CRLF3: variants seen among roughly 807,000 people sequenced by gnomAD.
CRLF3 encodes the protein cytokine receptor like factor 3.
A neutral mutation model predicts 55.0 loss-of-function variants in CRLF3; 33 were observed. The ratio of observed to expected loss-of-function variants is 0.60; its 90% CI spans 0.46 to 0.80. The LOEUF (loss-of-function observed/expected upper bound fraction) is 0.80. CRLF3 is among the 30% of genes least tolerant of loss of function. The pLI is 0.00. For missense variants in CRLF3, 494 were observed against 538.4 expected (o/e 0.92, Z 0.82); for synonymous variants, 238 against 196.8 (o/e 1.21, Z -1.75).
intron 1 of CRLF3, among the ~76,000 whole-genome samples, chr17:30,812,331 A>C (rs1448757647): frequency 6.6e-6 from 1 of 152,106 alleles, no homozygotes; most frequent in Non-Finnish European, 1.5e-5. Flanking sequence ...ATGCCAGGTA[A>C]ATCTGTACCT....
At chr17:30,802,454 A>T (rs1597924281) in intron 2 of CRLF3, among the ~76,000 whole-genome samples, 1 of 132,102 alleles carries the variant, frequency 7.6e-6, no homozygotes, top group Admixed American at 7.5e-5. Flanking sequence ...TTTTTGAGAC[A>T]GGGTCTTACT....
At chr17:30,820,243 C>T (rs573245022) in intron 1 of CRLF3, among the ~76,000 whole-genome samples, 2 of 152,280 alleles carry the variant, frequency 1.3e-5, no homozygotes, top group African/African-American at 2.4e-5. Context: ...CCAAACTTAA[C>T]CACAAGAGGA....
rs185839930 is a variant in CRLF3, at chr17:30,808,103, C to T, written c.130-3995G>A. Among the ~76,000 whole-genome samples the T allele has an allele frequency of 2.0e-5, 3 of 152,082 alleles. No homozygotes were observed. In the East Asian group the frequency reaches 5.8e-4, roughly 29 times the overall value. ...AAACAAATGCTGTTGAGTGAAAACGCAGTTAATCATGTGTGTTTCAAAGAA... is the reference window on the plus strand; with the variant it reads ...AAACAAATGCTGTTGAGTGAAAACGTAGTTAATCATGTGTGTTTCAAAGAA... On this transcript the variant is annotated intron_variant, in intron 1 of 7. Coordinates refer to ENST00000324238, the MANE Select transcript of CRLF3 (RefSeq NM_015986.4).
chr17:30,791,699 G>C (rs1971805559), intron 6 of CRLF3, among the ~76,000 whole-genome samples: 1 of 148,228 alleles, frequency 6.7e-6, no homozygotes, highest in African/African-American at 2.5e-5. Flanking sequence ...TTTATTTATA[G>C]TAGAGATGGG....
intron 6 of CRLF3, among the ~76,000 whole-genome samples, chr17:30,787,237 T>C (rs1027183323): frequency 6.6e-6 from 1 of 152,244 alleles, no homozygotes; most frequent in African/African-American, 2.4e-5. Flanking sequence ...CATTATAATT[T>C]ATGTAACTAT....
At position 30,784,241 on chromosome 17, in the gene CRLF3, A is replaced by G; in HGVS notation, c.1275T>C (p.Ser425=). ...AGAAAAATGAGCATCCAAAGTAAAG[A>G]GAACCACAAGACTGATCAAGTAACC... is the stretch of plus-strand genomic sequence containing the variant. ...FDWLLDQSCG[S]LYFGCSFFYP... The change falls in exon 8 of 8, where the codon TCT becomes TCC. Residue 425 remains serine (S), a synonymous_variant. Coordinates refer to ENST00000324238, the MANE Select transcript of CRLF3 (RefSeq NM_015986.4). 4 of 1,614,000 alleles carry G rather than the reference A, an allele frequency of 2.5e-6. No individual in the cohort carries two copies. The highest frequency in any genetic ancestry group is 3.4e-6 in the Non-Finnish European group (4 of 1,179,858).
intron 1 of CRLF3, among the ~76,000 whole-genome samples, chr17:30,818,579 G>A (rs1232649050): frequency 1.3e-5 from 2 of 149,328 alleles, no homozygotes; most frequent in Admixed American, 6.7e-5. Flanking sequence ...TCAGCCTCCC[G>A]AGTAGCTAAG....
chr17:30,810,357 G>C (rs1401478561), intron 1 of CRLF3, among the ~76,000 whole-genome samples: 1 of 152,088 alleles, frequency 6.6e-6, no homozygotes, highest in African/African-American at 2.4e-5. Flanking sequence ...CAGGTGGTCA[G>C]GAGTTCGAGA....
chr17:30,802,542 C>T (rs950010149), intron 2 of CRLF3, among the ~76,000 whole-genome samples: 8 of 152,088 alleles, frequency 5.3e-5, no homozygotes, highest in South Asian at 2.1e-4. Flanking sequence ...GGGATCCTCC[C>T]GCCTCGGCCT....
intron 2 of CRLF3, among the ~76,000 whole-genome samples, chr17:30,803,476 G>C (rs1972037338): frequency 6.6e-6 from 1 of 152,128 alleles, no homozygotes; most frequent in African/African-American, 2.4e-5. Flanking sequence ...TGAGAAATCA[G>C]CAAAATGTCA....
intron 7 of CRLF3, chr17:30,784,758 A>ATT (rs72335377): frequency 1.3e-3 from 234 of 183,026 alleles, no homozygotes; most frequent in South Asian, 3.2e-3. Context: ...CACCAACACA[A>ATT]TTTTTTTTTT....
chr17:30,784,380 G>C lies in CRLF3; in HGVS notation c.1136C>G (p.Thr379Ser). 1 of 1,613,634 alleles carries C rather than the reference G, an allele frequency of 6.2e-7. No individual in the cohort carries two copies. The highest frequency in any genetic ancestry group is 8.5e-7 in the Non-Finnish European group (1 of 1,179,534). Residue 379 changes from threonine to serine, a missense_variant, in exon 8 of 8, where the codon ACT (threonine) becomes AGT (serine). By Grantham distance (58) the Thr-to-Ser change is moderately conservative (BLOSUM62 1). Transcript: ENST00000324238. ...CACGGCTTCAATGTCAAACGTGACA[G>C]TGGACCCAGAAGTAACTGCGGGTAA... ...NQLPAVTSGS[T>S]VTFDIEAVTL...
chr17:30,784,046 A>T lies in CRLF3; in HGVS notation c.*141T>A. ...CATTGAAGTCTCTTTTTGCTAAAAT[A>T]TTACAAAATGAATCCAGTAAACACT... is the stretch of plus-strand genomic sequence containing the variant. On this transcript the variant is annotated 3_prime_UTR_variant, in exon 8 of 8. Coordinates refer to ENST00000324238, the MANE Select transcript of CRLF3 (RefSeq NM_015986.4). The T allele has an allele frequency of 1.4e-6, 1 of 712,306 alleles. No homozygotes were observed. The highest frequency in any genetic ancestry group is 2.3e-6 in the Non-Finnish European group (1 of 434,546). The allele number at this position is 712,306 out of a possible 1,614,324, so 44.1% of individuals were successfully genotyped here.
intron 7 of CRLF3, among the ~76,000 whole-genome samples, chr17:30,785,638 C>T (rs1281588519): frequency 6.8e-6 from 1 of 147,664 alleles, no homozygotes; most frequent in Non-Finnish European, 1.5e-5. Flanking sequence ...AAAAATTAGC[C>T]AGTCACAGTG....
At chr17:30,813,639 C>A (rs1904692012) in intron 1 of CRLF3, among the ~76,000 whole-genome samples, 1 of 151,570 alleles carries the variant, frequency 6.6e-6, no homozygotes, top group East Asian at 1.9e-4. Context: ...TTTTAGGGTA[C>A]ATGTGCACAA....
At chr17:30,799,141 C>T (rs1471955948) in intron 2 of CRLF3, among the ~76,000 whole-genome samples, 1 of 151,832 alleles carries the variant, frequency 6.6e-6, no homozygotes, top group Non-Finnish European at 1.5e-5. Context: ...GGCGTGGTGG[C>T]GGGCGCCTAT....
At chr17:30,823,607 A>C (rs766284085) in intron 1 of CRLF3, among the ~76,000 whole-genome samples, 1 of 151,684 alleles carries the variant, frequency 6.6e-6, no homozygotes, top group Non-Finnish European at 1.5e-5. Flanking sequence ...AAAAGCACTT[A>C]TTAAGCAGTT....
intron 3 of CRLF3, 47 bp downstream of exon 3, chr17:30,797,264 T>C (rs1567662698): frequency 2.4e-6 from 3 of 1,271,132 alleles, no homozygotes; most frequent in South Asian, 1.2e-5. Context: ...AAAGCAGACA[T>C]AGTTTAAATG....
chr17:30,817,594 G>A (rs1904844645), intron 1 of CRLF3, among the ~76,000 whole-genome samples: 2 of 152,058 alleles, frequency 1.3e-5, no homozygotes, highest in African/African-American at 4.8e-5. Flanking sequence ...AGAATAATAT[G>A]TATAGAAAGA....
Sources: allele counts gnomAD v4.1 joint callset (sites outside exome capture counted in the v4.1 genomes callset), GRCh38; gene constraint gnomAD v4.1.1; transcripts MANE v1.5; gene names NCBI Gene and HGNC (gene_info 2026-07-23, HGNC 2026-07-21).